The following KIFC3 variants were observed in gnomAD, a reference collection of about 807,000 sequenced individuals.
KIFC3 encodes the protein kinesin-like protein KIFC3.
A neutral mutation model predicts 101.8 loss-of-function variants in KIFC3; 60 were observed. The observed-to-expected ratio is 0.59, with a 90% CI of 0.48 to 0.73. The LOEUF (loss-of-function observed/expected upper bound fraction) is 0.73, where lower values mean the gene tolerates loss of function less well. KIFC3 is among the 30% of genes least tolerant of loss of function. The pLI, the probability that KIFC3 is intolerant of heterozygous loss-of-function variation, is 0.00. For missense variants in KIFC3, 966 were observed against 1,137.1 expected, an observed-to-expected ratio of 0.85 and a Z score of 2.16; for synonymous variants, 476 against 482.7, an observed-to-expected ratio of 0.99 and a Z score of 0.18.
At position 57,798,113 on chromosome 16, in the gene KIFC3, G is replaced by A. The variant is rs1424129009; in HGVS notation, c.131C>T (p.Ala44Val). ...CGGGCCGGTGTGTGGGAAAGGGCGG[G>A]CGGCCGGGCTGGCTGGGGCTGGGGC... ...RPAPAPASPA[A>V]RPFPHTGPGR... Residue 44 changes from alanine to valine, a missense_variant, in exon 2 of 20, where the codon GCC (alanine) becomes GTC (valine). This residue lies in a region of KIFC3 where 277 missense variants were observed against 252.5 expected (regional missense o/e 1.10). Coordinates refer to ENST00000445690, the MANE Select transcript of KIFC3 (RefSeq NM_001130100.2). The A allele has an allele frequency of 1.9e-6, 3 of 1,583,412 alleles. No individual in the cohort carries two copies. The African/African-American group carries it at 4.0e-5, about 21-fold the overall frequency.
intron 1 of KIFC3, among the ~76,000 whole-genome samples, chr16:57,857,558 C>G (rs1292450794): frequency 2.0e-5 from 3 of 151,872 alleles, no homozygotes; most frequent in Non-Finnish European, 4.4e-5. Flanking sequence ...CCTCCCACCC[C>G]CTAACATGCC....
At chr16:57,790,078 C>CTTTCTTTCTTTT (rs59016221) in intron 3 of KIFC3, among the ~76,000 whole-genome samples, 2 of 94,088 alleles carry the variant, frequency 2.1e-5, no homozygotes, top group Non-Finnish European at 3.9e-5. Context: ...TTCTTTCTTT[C>CTTTCTTTCTTTT]TTTTTTTTTT....
chr16:57,853,962 G>A (rs531414059), intron 1 of KIFC3, among the ~76,000 whole-genome samples: 1 of 151,656 alleles, frequency 6.6e-6, no homozygotes, highest in Non-Finnish European at 1.5e-5. Context: ...TATTTTTTGA[G>A]ACTGGGTCTC....
intron 1 of KIFC3, among the ~76,000 whole-genome samples, chr16:57,826,532 A>G (rs1483736852): frequency 4.6e-5 from 7 of 152,246 alleles, no homozygotes; most frequent in Admixed American, 1.3e-4. Flanking sequence ...CACTCTTTTG[A>G]AAATTTCACG....
At chr16:57,818,887 C>G (rs1294011984) in intron 1 of KIFC3, among the ~76,000 whole-genome samples, 1 of 152,222 alleles carries the variant, frequency 6.6e-6, no homozygotes, top group Admixed American at 6.5e-5. Flanking sequence ...CAAATATCAG[C>G]TCCTCATCCC....
chr16:57,766,218 C>A (rs4784856), intron 10 of KIFC3, among the ~76,000 whole-genome samples: 6,115 of 152,266 alleles, frequency 0.04, 250 homozygotes, highest in East Asian at 0.14. Flanking sequence ...AGGAAACACC[C>A]CCCACTGCCA....
intron 3 of KIFC3, among the ~76,000 whole-genome samples, chr16:57,792,865 C>CAAAAAAAAA (rs35129462): frequency 2.6e-5 from 1 of 38,424 alleles, no homozygotes; most frequent in Non-Finnish European, 5.0e-5. Flanking sequence ...AGACCTTGCT[C>CAAAAAAAAA]AAAAAAAAAA....
chr16:57,771,132 G>T (rs1409942703), intron 6 of KIFC3, 66 bp downstream of exon 6: 9 of 1,584,608 alleles, frequency 5.7e-6, no homozygotes, highest in Non-Finnish European at 7.7e-6. Flanking sequence ...CCCCCTTATG[G>T]GCTAGCCCTG....
At chr16:57,777,230 C>T (rs1239363439) in intron 3 of KIFC3, 1 of 152,194 alleles carries the variant, frequency 6.6e-6, no homozygotes, top group Non-Finnish European at 1.5e-5. Flanking sequence ...ATTCCATGTT[C>T]ATGGATTAGA....
At chr16:57,796,713 A>G (rs1446729997) in intron 2 of KIFC3, among the ~76,000 whole-genome samples, 1 of 152,240 alleles carries the variant, frequency 6.6e-6, no homozygotes, top group Non-Finnish European at 1.5e-5. Flanking sequence ...TAGAAAGCTG[A>G]GATAACACAA....
At chr16:57,812,595 G>A (rs1443761850) in intron 1 of KIFC3, among the ~76,000 whole-genome samples, 1 of 152,154 alleles carries the variant, frequency 6.6e-6, no homozygotes, top group African/African-American at 2.4e-5. Context: ...TGAATCAAAG[G>A]GCAGGTGTGT....
intron 10 of KIFC3, among the ~76,000 whole-genome samples, chr16:57,766,248 C>T (rs781978742): frequency 3.8e-4 from 58 of 152,336 alleles, no homozygotes; most frequent in Admixed American, 8.5e-4. Context: ...ACCTGCCCTC[C>T]CTTTTCACCC....
chr16:57,834,370 A>T (rs540809244), intron 1 of KIFC3, among the ~76,000 whole-genome samples: 1 of 152,172 alleles, frequency 6.6e-6, no homozygotes, highest in East Asian at 1.9e-4. Context: ...TTTTTTGAAC[A>T]TTAAAAAAAT....
chr16:57,797,929 C>T, intron 2 of KIFC3, 143 bp downstream of exon 2: 7 of 1,516,390 alleles, frequency 4.6e-6, no homozygotes, highest in South Asian at 3.8e-5. Flanking sequence ...GCTCCACGCC[C>T]GCCTGGCTCT....
chr16:57,860,248 G>A (rs2056276695), intron 1 of KIFC3, among the ~76,000 whole-genome samples: 1 of 151,968 alleles, frequency 6.6e-6, no homozygotes, highest in Admixed American at 6.6e-5. Context: ...GAAGTCAGGA[G>A]TTCAAGACCA....
chr16:57,815,546 C>G, intron 1 of KIFC3: 1 of 1,288,444 alleles, frequency 7.8e-7, no homozygotes, highest in Non-Finnish European at 1.0e-6. Context: ...AGGATGCCCT[C>G]CAAGACCAAC....
At chr16:57,778,142 C>G (rs1216347017) in intron 3 of KIFC3, among the ~76,000 whole-genome samples, 5 of 152,030 alleles carry the variant, frequency 3.3e-5, no homozygotes, top group Admixed American at 6.6e-5. Flanking sequence ...TAGCTGGGCA[C>G]AGTGGCACAC....
intron 3 of KIFC3, among the ~76,000 whole-genome samples, chr16:57,778,016 G>A (rs1217054509): frequency 2.6e-5 from 4 of 151,980 alleles, no homozygotes; most frequent in Admixed American, 2.0e-4. Context: ...AGGGCCAGGC[G>A]TGGTGTAATC....
chr16:57,803,341 C>T (rs1724480089), upstream of KIFC3: 1 of 659,768 alleles, frequency 1.5e-6, no homozygotes. Flanking sequence ...ACAGAGGCAG[C>T]ATTTTATTCC....
Sources: allele counts gnomAD v4.1 joint callset (sites outside exome capture counted in the v4.1 genomes callset), GRCh38; gene constraint gnomAD v4.1.1; regional missense constraint gnomAD v4.1.1; transcripts MANE v1.5; gene names NCBI Gene and HGNC (gene_info 2026-07-23, HGNC 2026-07-21).